ARPC2: variants seen among roughly 807,000 people sequenced by gnomAD.
The protein encoded by ARPC2 is actin-related protein 2/3 complex subunit 2.
Under a neutral mutation model 38.6 loss-of-function variants are expected in ARPC2, and 4 were observed. The observed-to-expected ratio is 0.10, with a 90% CI of 0.05 to 0.24. The LOEUF is 0.24. Among genes scored for constraint, ARPC2 ranks in the 10% least tolerant of loss-of-function variants. ARPC2 has a pLI of 1.00. For synonymous variants in ARPC2, 125 were observed against 140.8 expected (o/e 0.89, Z 0.79); for missense variants, 229 against 387.3 (o/e 0.59, Z 3.43).
intron 3 of ARPC2, among the ~76,000 whole-genome samples, chr2:218,227,637 C>T (rs1195351580): frequency 1.3e-5 from 2 of 151,650 alleles, no homozygotes; most frequent in African/African-American, 4.9e-5. Context: ...GTCGCCCAGG[C>T]TGGAGTGCAA....
intron 2 of ARPC2, among the ~76,000 whole-genome samples, chr2:218,224,348 A>C (rs939231613): frequency 6.6e-6 from 1 of 152,192 alleles, no homozygotes; most frequent in Non-Finnish European, 1.5e-5. Flanking sequence ...AAACTTACTA[A>C]GTGATGTAAT....
intron 2 of ARPC2, among the ~76,000 whole-genome samples, chr2:218,225,127 A>G (rs953623619): frequency 1.3e-5 from 2 of 152,194 alleles, no homozygotes; most frequent in African/African-American, 4.8e-5. Flanking sequence ...TAGTTCCATG[A>G]GGTAAATAGG....
chr2:218,252,832 C>T (rs1690225449), intron 10 of ARPC2: 3 of 452,922 alleles, frequency 6.6e-6, no homozygotes, highest in Non-Finnish European at 1.3e-5. Context: ...AGGGATAGCT[C>T]CCTGTCCTGG....
intron 10 of ARPC2, chr2:218,252,805 G>A: frequency 2.3e-6 from 1 of 429,064 alleles, no homozygotes; most frequent in Non-Finnish European, 4.7e-6. Context: ...CCCAGTGAGT[G>A]CAGTTGTGTA....
intron 10 of ARPC2, among the ~76,000 whole-genome samples, chr2:218,252,332 G>A (rs778725811): frequency 6.6e-6 from 1 of 152,210 alleles, no homozygotes. Context: ...TGGCAGCATC[G>A]TTTCTTTTCT....
intron 7 of ARPC2, among the ~76,000 whole-genome samples, chr2:218,240,801 G>A (rs1689895168): frequency 6.6e-6 from 1 of 152,124 alleles, no homozygotes. Flanking sequence ...GCTGAGGCAG[G>A]AGAATCTCTT....
chr2:218,248,750 T>C (rs1690108139), intron 8 of ARPC2, among the ~76,000 whole-genome samples: 1 of 152,110 alleles, frequency 6.6e-6, no homozygotes, highest in Admixed American at 6.6e-5. Flanking sequence ...GCGTGAGCCA[T>C]CGCGCCCAGC....
chr2:218,222,219 G>A (rs1425813448), intron 2 of ARPC2, among the ~76,000 whole-genome samples: 3 of 152,100 alleles, frequency 2.0e-5, no homozygotes, highest in African/African-American at 7.2e-5. Context: ...GTGAGCAGAG[G>A]TGGCACCACT....
intron 4 of ARPC2, among the ~76,000 whole-genome samples, chr2:218,229,719 T>TC (rs1689585830): frequency 6.6e-6 from 1 of 152,206 alleles, no homozygotes; most frequent in African/African-American, 2.4e-5. Context: ...CTAAAATTAG[T>TC]CTTAATACCA....
Position 218,250,663 on chromosome 2 carries a change from C to CAA in ARPC2, c.878+758_878+759dup, listed in dbSNP as rs35549624. Among the ~76,000 whole-genome samples, 124 of 120,084 alleles carry CAA rather than the reference C, an allele frequency of 1.0e-3. 1 individual carries two copies. The highest frequency in any genetic ancestry group is 9.4e-4 in the East Asian group (4 of 4,242). The allele number at this position is 120,084 out of a possible 152,430, so 78.8% of individuals were successfully genotyped here. A position where few individuals can be genotyped will look rare whatever the true frequency, so the allele number is the denominator to read the frequency against. On this transcript the variant is annotated intron_variant, in intron 10 of 10. Coordinates refer to ENST00000315717, the MANE Select transcript of ARPC2 (RefSeq NM_152862.3). The stretch of plus-strand genomic sequence containing the variant: ...TGAGCGACAGAGTAAGACTTAGTCT[C>CAA]AAAAAAAAAAAAAAAAATTTGAGGA...
intron 2 of ARPC2, among the ~76,000 whole-genome samples, chr2:218,218,842 T>G (rs2106140996): frequency 6.6e-6 from 1 of 152,340 alleles, no homozygotes; most frequent in Admixed American, 6.5e-5. Flanking sequence ...CTTGAAGTAA[T>G]ACGTGTAGTG....
At chr2:218,217,343 C>T in intron 1 of ARPC2, 89 bp downstream of exon 1, 1 of 839,298 alleles carries the variant, frequency 1.2e-6, no homozygotes, top group South Asian at 1.5e-5. Context: ...CCCCTCTCCC[C>T]TTCTCCCCTA....
At position 218,249,806 on chromosome 2, in the gene ARPC2, T is replaced by TA. The variant is rs1257963803; in HGVS notation, c.778-14dup. 6.2e-7 allele frequency: 1 copy of TA among 1,607,242 alleles called. No individual in the cohort carries two copies. The highest frequency in any genetic ancestry group is 1.7e-5 in the Admixed American group (1 of 59,650). On this transcript the variant is annotated splice_polypyrimidine_tract_variant and intron_variant, in intron 9 of 10. Coordinates refer to ENST00000315717, the MANE Select transcript of ARPC2 (RefSeq NM_152862.3). Reference sequence around the variant, plus strand: ...ACCATGACTGTGCTTTAGTACCTGTTATGTTTGTTCCCAGGCCTATATTCA... The same window carrying TA: ...ACCATGACTGTGCTTTAGTACCTGTTAATGTTTGTTCCCAGGCCTATATTCA...
At chr2:218,226,477 A>C (rs1689499563) in intron 3 of ARPC2, among the ~76,000 whole-genome samples, 1 of 151,428 alleles carries the variant, frequency 6.6e-6, no homozygotes, top group Admixed American at 6.6e-5. Context: ...AAAATACAAA[A>C]AATTAGCTGG....
chr2:218,225,546 T>G (rs570373034), intron 2 of ARPC2, among the ~76,000 whole-genome samples: 1 of 152,322 alleles, frequency 6.6e-6, no homozygotes, highest in Admixed American at 6.5e-5. Flanking sequence ...TGCTGAACGT[T>G]TTACTCCTAA....
At chr2:218,252,105 C>A (rs537877747) in intron 10 of ARPC2, among the ~76,000 whole-genome samples, 53 of 152,156 alleles carry the variant, frequency 3.5e-4, no homozygotes, top group Non-Finnish European at 6.0e-4. Flanking sequence ...TGCCTGTAAT[C>A]CCAGCTACTC....
At chr2:218,232,290 A>G (rs956715368) in intron 4 of ARPC2, among the ~76,000 whole-genome samples, 2 of 152,230 alleles carry the variant, frequency 1.3e-5, no homozygotes, top group Non-Finnish European at 2.9e-5. Flanking sequence ...TTCTTAAGCC[A>G]TGTCATTCTG....
chr2:218,249,569 C>G (rs1032090817), intron 9 of ARPC2, 105 bp downstream of exon 9: 12 of 931,224 alleles, frequency 1.3e-5, no homozygotes, highest in African/African-American at 3.3e-5. Flanking sequence ...GATATTGACT[C>G]TTAGGTAAAT....
At chr2:218,240,752 G>A (rs1175353524) in intron 7 of ARPC2, among the ~76,000 whole-genome samples, 2 of 152,150 alleles carry the variant, frequency 1.3e-5, no homozygotes, top group East Asian at 3.9e-4. Flanking sequence ...AATTAGCCGG[G>A]TGTGGTGGCA....
Sources: gnomAD v4.1 joint callset for allele counts (sites outside exome capture counted in the v4.1 genomes callset) on GRCh38, gnomAD v4.1.1 for gene constraint, MANE v1.5 for transcripts, NCBI Gene and HGNC (gene_info 2026-07-23, HGNC 2026-07-21) for gene names.